Variants in KLF12 observed in about 807,000 individuals in gnomAD.
The protein encoded by KLF12 is KLF transcription factor 12, also known as Krueppel-like factor 12.
Under a neutral mutation model 37.8 loss-of-function variants are expected in KLF12, and 9 were observed. The observed-to-expected ratio is 0.24, with a 90% CI of 0.14 to 0.42. The LOEUF (loss-of-function observed/expected upper bound fraction) is 0.42. Ranked by LOEUF, KLF12 falls within the 10% of genes least tolerant of loss-of-function variation. The pLI, the probability that KLF12 is intolerant of heterozygous loss-of-function variation, is 1.00. For missense variants in KLF12, 411 were observed against 516.0 expected, an observed-to-expected ratio of 0.80 and a Z score of 1.97; for synonymous variants, 208 against 202.1, an observed-to-expected ratio of 1.03 and a Z score of -0.25.
chr13:74,080,458 A>T (rs755497876), intron 1 of KLF12, among the ~76,000 whole-genome samples: 6 of 152,024 alleles, frequency 3.9e-5, no homozygotes, highest in Non-Finnish European at 7.4e-5. Context: ...CTATTGCACA[A>T]CACTGTGAAT....
chr13:74,142,051 A>G, the KLF12 span, among the ~76,000 whole-genome samples: 2 of 152,240 alleles, frequency 1.3e-5, no homozygotes, highest in East Asian at 3.8e-4. Flanking sequence ...AAACTACAAA[A>G]TAGATTGATG....
intron 1 of KLF12, among the ~76,000 whole-genome samples, chr13:74,007,499 T>C (rs890764777): frequency 2.6e-5 from 4 of 151,904 alleles, no homozygotes; most frequent in African/African-American, 9.7e-5. Flanking sequence ...ATGGTCCCGA[T>C]CTCCTGACCT....
chr13:74,228,824 A>AT, the KLF12 span, among the ~76,000 whole-genome samples: 34,839 of 151,838 alleles, frequency 0.23, 7,011 homozygotes, highest in African/African-American at 0.54. Context: ...TTAAAAAAAA[A>AT]GTAAAGATTA....
intron 4 of KLF12, among the ~76,000 whole-genome samples, chr13:73,839,618 AT>A (rs958454920): frequency 6.6e-6 from 1 of 152,102 alleles, no homozygotes; most frequent in Non-Finnish European, 1.5e-5. Context: ...TTTTACTTTT[AT>A]TTTTACTTGT....
intron 5 of KLF12, among the ~76,000 whole-genome samples, chr13:73,772,562 G>T (rs962880062): frequency 6.6e-6 from 1 of 152,182 alleles, no homozygotes; most frequent in Non-Finnish European, 1.5e-5. Context: ...AGCACCAAAG[G>T]GTAGGAATGT....
chr13:74,190,245 C>A, the KLF12 span, among the ~76,000 whole-genome samples: 9 of 152,052 alleles, frequency 5.9e-5, no homozygotes, highest in South Asian at 1.5e-3. Context: ...ACTTTTTGAC[C>A]TTTGCAAATC....
chr13:73,883,380 T>G (rs1358636601), intron 3 of KLF12, among the ~76,000 whole-genome samples: 1 of 152,158 alleles, frequency 6.6e-6, no homozygotes, highest in Non-Finnish European at 1.5e-5. Context: ...AATTTAAATG[T>G]CCTTGCCAAA....
At chr13:74,185,277 C>G in the KLF12 span, among the ~76,000 whole-genome samples, 1 of 152,120 alleles carries the variant, frequency 6.6e-6, no homozygotes, top group African/African-American at 2.4e-5. Context: ...TCTCCTATCC[C>G]CAAATGGTCT....
the KLF12 span, among the ~76,000 whole-genome samples, chr13:74,219,412 T>C: frequency 6.6e-6 from 1 of 152,230 alleles, no homozygotes; most frequent in Non-Finnish European, 1.5e-5. Context: ...AAACTATGAA[T>C]GCATCATATT....
intron 6 of KLF12, among the ~76,000 whole-genome samples, chr13:73,751,244 T>C (rs1681584694): frequency 6.6e-6 from 1 of 152,122 alleles, no homozygotes; most frequent in Non-Finnish European, 1.5e-5. Flanking sequence ...TTCTTTTCCT[T>C]TGGGTAGATA....
At chr13:74,240,592 AG>A in the KLF12 span, among the ~76,000 whole-genome samples, 1 of 74,388 alleles carries the variant, frequency 1.3e-5, no homozygotes, top group Non-Finnish European at 2.5e-5. Flanking sequence ...AATCAGACGT[AG>A]ATTTGGTCTT....
intron 6 of KLF12, among the ~76,000 whole-genome samples, chr13:73,759,068 C>T (rs1879374313): frequency 6.6e-6 from 1 of 152,152 alleles, no homozygotes; most frequent in Non-Finnish European, 1.5e-5. Flanking sequence ...TGTAACACCA[C>T]CCTGCAGGCA....
At chr13:74,116,327 T>C (rs1877302579) in intron 1 of KLF12, among the ~76,000 whole-genome samples, 1 of 152,242 alleles carries the variant, frequency 6.6e-6, no homozygotes, top group Non-Finnish European at 1.5e-5. Context: ...AGAAACACTC[T>C]TATTCACATC....
chr13:74,130,423 C>G (rs1331927875), intron 1 of KLF12, among the ~76,000 whole-genome samples: 1 of 152,126 alleles, frequency 6.6e-6, no homozygotes, highest in Admixed American at 6.5e-5. Context: ...AATCCCAGCA[C>G]TTTGGCAGGA....
chr13:73,948,460 C>A (rs949653182), intron 2 of KLF12, among the ~76,000 whole-genome samples: 1 of 152,168 alleles, frequency 6.6e-6, no homozygotes, highest in African/African-American at 2.4e-5. Flanking sequence ...CTCAAGTGAT[C>A]CATCTGCCTT....
intron 6 of KLF12, among the ~76,000 whole-genome samples, chr13:73,725,871 ATTTATTTATTTT>A (rs1273971042): frequency 2.0e-5 from 3 of 149,224 alleles, no homozygotes; most frequent in African/African-American, 7.4e-5. Flanking sequence ...TTATTTATTT[ATTTATTTATTTT>A]TTGAGATGGA....
chr13:74,084,088 C>A (rs1456936902), intron 1 of KLF12, among the ~76,000 whole-genome samples: 4 of 152,144 alleles, frequency 2.6e-5, no homozygotes, highest in Admixed American at 6.5e-5. Context: ...CGAACAAGTA[C>A]GTGAGGTTCA....
intron 5 of KLF12, among the ~76,000 whole-genome samples, chr13:73,781,967 T>C (rs1052985669): frequency 6.6e-6 from 1 of 152,206 alleles, no homozygotes; most frequent in African/African-American, 2.4e-5. Context: ...AACATTTCAA[T>C]GTTTAAAAAT....
At chr13:74,239,658 G>A in the KLF12 span, among the ~76,000 whole-genome samples, 1 of 132,350 alleles carries the variant, frequency 7.6e-6, no homozygotes, top group Non-Finnish European at 1.6e-5. Context: ...AGGATAGTTA[G>A]CTCTTCTTGT....
Sources: allele counts gnomAD v4.1 joint callset (sites outside exome capture counted in the v4.1 genomes callset), GRCh38; gene constraint gnomAD v4.1.1; transcripts MANE v1.5; gene names NCBI Gene and HGNC (gene_info 2026-07-23, HGNC 2026-07-21).